EXOC4: variants seen among roughly 807,000 people sequenced by gnomAD.
The protein encoded by EXOC4 is SEC8-like 1.
A neutral mutation model predicts 107.2 loss-of-function variants in EXOC4; 71 were observed. The observed-to-expected ratio is 0.66, with a 90% CI of 0.55 to 0.81. EXOC4 has a LOEUF of 0.81. Ranked by LOEUF, EXOC4 falls within the 30% of genes least tolerant of loss-of-function variation. EXOC4 has a pLI of 0.00. For synonymous variants in EXOC4, 456 were observed against 441.2 expected, an observed-to-expected ratio of 1.03 and a Z score of -0.42; for missense variants, 1,108 against 1,189.6, an observed-to-expected ratio of 0.93 and a Z score of 1.01.
At chr7:133,847,713 G>A (rs1178840115) in intron 11 of EXOC4, among the ~76,000 whole-genome samples, 1 of 149,932 alleles carries the variant, frequency 6.7e-6, no homozygotes, top group Non-Finnish European at 1.5e-5. Context: ...TATTTGTGGT[G>A]GGGAGAGGGT....
intron 17 of EXOC4, among the ~76,000 whole-genome samples, chr7:134,061,442 G>GT (rs1293740515): frequency 6.6e-6 from 1 of 152,148 alleles, no homozygotes; most frequent in Non-Finnish European, 1.5e-5. Context: ...GTCGTGGCTG[G>GT]TTCAGAACCT....
At chr7:133,463,687 CA>C (rs1208696236) in intron 7 of EXOC4, among the ~76,000 whole-genome samples, 1 of 151,880 alleles carries the variant, frequency 6.6e-6, no homozygotes, top group Non-Finnish European at 1.5e-5. Context: ...TTGTAAAATA[CA>C]GTAATCAAAC....
At chr7:133,388,635 G>A (rs1182418871) in intron 7 of EXOC4, among the ~76,000 whole-genome samples, 2 of 152,150 alleles carry the variant, frequency 1.3e-5, no homozygotes, top group Admixed American at 1.3e-4. Flanking sequence ...GGGTGACAGA[G>A]TGAGACTCTG....
intron 10 of EXOC4, among the ~76,000 whole-genome samples, chr7:133,696,850 T>G (rs1283244105): frequency 2.0e-5 from 3 of 152,252 alleles, no homozygotes; most frequent in Non-Finnish European, 4.4e-5. Context: ...TGTCACTATA[T>G]CTCTTGTCCC....
At chr7:133,797,651 G>A (rs1478364903) in intron 10 of EXOC4, among the ~76,000 whole-genome samples, 2 of 152,178 alleles carry the variant, frequency 1.3e-5, no homozygotes, top group Non-Finnish European at 2.9e-5. Flanking sequence ...TGGGGAAGAA[G>A]TAGTAAAGAC....
intron 10 of EXOC4, among the ~76,000 whole-genome samples, chr7:133,673,241 A>C (rs561279719): frequency 4.6e-5 from 7 of 152,080 alleles, no homozygotes; most frequent in Admixed American, 3.9e-4. Flanking sequence ...ACTTAAAGGG[A>C]GTTAGTTTCT....
intron 11 of EXOC4, among the ~76,000 whole-genome samples, chr7:133,850,109 A>G (rs1798210970): frequency 6.6e-6 from 1 of 152,238 alleles, no homozygotes; most frequent in Admixed American, 6.5e-5. Flanking sequence ...CCAACAAAAC[A>G]CTGCCAATTC....
chr7:133,841,238 C>G (rs1310481450), intron 11 of EXOC4, among the ~76,000 whole-genome samples: 1 of 152,152 alleles, frequency 6.6e-6, no homozygotes, highest in Non-Finnish European at 1.5e-5. Flanking sequence ...CTTTTATAAC[C>G]TAATCACCTC....
intron 5 of EXOC4, among the ~76,000 whole-genome samples, chr7:133,346,281 G>A (rs544511157): frequency 7.9e-5 from 12 of 151,958 alleles, no homozygotes; most frequent in East Asian, 3.9e-4. Context: ...CCTGTGGAGC[G>A]CATTAAGTCT....
chr7:133,807,370 G>A (rs185859557), intron 10 of EXOC4, among the ~76,000 whole-genome samples: 1 of 152,284 alleles, frequency 6.6e-6, no homozygotes, highest in East Asian at 1.9e-4. Context: ...CGCTCCATGG[G>A]TTTAAGCAAT....
intron 1 of EXOC4, chr7:133,253,432 A>C (rs1794940033): frequency 1.6e-6 from 2 of 1,252,410 alleles, no homozygotes; most frequent in African/African-American, 3.1e-5. Flanking sequence ...AGCACCTTCT[A>C]TTACAGTCTC....
intron 2 of EXOC4, among the ~76,000 whole-genome samples, chr7:133,284,770 C>T (rs570064757): frequency 1.3e-4 from 20 of 152,134 alleles, no homozygotes; most frequent in African/African-American, 4.8e-4. Context: ...CTCCTGACCT[C>T]GTGATCTGCT....
intron 6 of EXOC4, among the ~76,000 whole-genome samples, chr7:133,370,383 G>A (rs564913167): frequency 6.6e-5 from 10 of 152,090 alleles, no homozygotes; most frequent in Non-Finnish European, 1.3e-4. Context: ...CATTGGTTTC[G>A]TCCGGAAAGG....
At chr7:133,873,125 A>G (rs1409282862) in intron 11 of EXOC4, among the ~76,000 whole-genome samples, 1 of 152,232 alleles carries the variant, frequency 6.6e-6, no homozygotes, top group Non-Finnish European at 1.5e-5. Context: ...CCTGGGCAAC[A>G]TAGTGAGACC....
At chr7:133,253,263 G>A (rs551463393) in intron 1 of EXOC4, 76 bp downstream of exon 1, 7 of 1,553,356 alleles carry the variant, frequency 4.5e-6, no homozygotes, top group Admixed American at 1.8e-5. Context: ...AGAAGGGTTA[G>A]CTGGGTCCCA....
At chr7:133,460,210 T>C (rs1798558214) in intron 7 of EXOC4, among the ~76,000 whole-genome samples, 1 of 152,176 alleles carries the variant, frequency 6.6e-6, no homozygotes, top group African/African-American at 2.4e-5. Context: ...CCCTCGCATG[T>C]GCAGTTCACA....
At chr7:133,615,088 A>G (rs1802163455) in intron 9 of EXOC4, among the ~76,000 whole-genome samples, 1 of 152,182 alleles carries the variant, frequency 6.6e-6, no homozygotes, top group Non-Finnish European at 1.5e-5. Context: ...AAACTAAAGC[A>G]AACAGTTGTA....
At chr7:134,074,649 G>A in the EXOC4 span, among the ~76,000 whole-genome samples, 2 of 152,272 alleles carry the variant, frequency 1.3e-5, no homozygotes, top group South Asian at 2.1e-4. Context: ...TCCAGGTCTC[G>A]ACTGCCACTC....
intron 11 of EXOC4, among the ~76,000 whole-genome samples, chr7:133,868,735 T>A (rs1245291964): frequency 1.3e-5 from 2 of 152,180 alleles, no homozygotes; most frequent in African/African-American, 4.8e-5. Context: ...ACCTCTCTAA[T>A]CTGACTTCCA....
Sources: allele counts gnomAD v4.1 joint callset (sites outside exome capture counted in the v4.1 genomes callset), GRCh38; gene constraint gnomAD v4.1.1; transcripts MANE v1.5; gene names NCBI Gene and HGNC (gene_info 2026-07-23, HGNC 2026-07-21).